STK32A: variants seen among roughly 807,000 people sequenced by gnomAD.
The protein encoded by STK32A is serine/threonine-protein kinase 32A.
In STK32A, 41 loss-of-function variants were observed where a neutral mutation model predicts 53.2. The observed-to-expected ratio is 0.77, with a 90% CI of 0.60 to 1.00. The LOEUF is 1.00. Ranked by LOEUF, STK32A falls within the 50% of genes least tolerant of loss-of-function variation. The probability of loss-of-function intolerance (pLI) is 0.00; values close to 1 mark genes in which losing one functional copy is unlikely to be tolerated. For missense variants in STK32A, 458 were observed against 485.8 expected, an observed-to-expected ratio of 0.94 and a Z score of 0.54; for synonymous variants, 166 against 162.8, an observed-to-expected ratio of 1.02 and a Z score of -0.15.
intron 7 of STK32A, among the ~76,000 whole-genome samples, chr5:147,353,289 A>G (rs1019601077): frequency 6.6e-6 from 1 of 152,216 alleles, no homozygotes; most frequent in Non-Finnish European, 1.5e-5. Flanking sequence ...AATCAGATAT[A>G]AGAATAGTTT....
At chr5:147,397,938 G>A in the STK32A span, 3 of 1,300,318 alleles carry the variant, frequency 2.3e-6, no homozygotes, top group Non-Finnish European at 2.0e-6. Context: ...ATTTGCTGCT[G>A]ATTCACCAGG....
intron 2 of STK32A, among the ~76,000 whole-genome samples, chr5:147,249,260 C>T (rs946608163): frequency 1.3e-5 from 2 of 151,646 alleles, no homozygotes; most frequent in Non-Finnish European, 2.9e-5. Context: ...CTCTCTGATC[C>T]CCCATTTTCT....
chr5:147,362,624 C>A (rs1233980240), intron 8 of STK32A, among the ~76,000 whole-genome samples: 1 of 152,180 alleles, frequency 6.6e-6, no homozygotes, highest in East Asian at 1.9e-4. Context: ...TTCTCATATG[C>A]AAAATACATA....
intron 5 of STK32A, among the ~76,000 whole-genome samples, chr5:147,330,689 A>C (rs375848529): frequency 7.1e-4 from 108 of 152,266 alleles, no homozygotes; most frequent in African/African-American, 2.4e-3. Flanking sequence ...TTCTAGGATG[A>C]TTTCCTCTCT....
chr5:147,313,693 A>G (rs143937113), intron 4 of STK32A, among the ~76,000 whole-genome samples: 2 of 152,350 alleles, frequency 1.3e-5, no homozygotes, highest in African/African-American at 2.4e-5. Flanking sequence ...TTATGAAGCT[A>G]CAATAATCAA....
chr5:147,339,861 G>C (rs571149509), intron 5 of STK32A, among the ~76,000 whole-genome samples: 1 of 146,154 alleles, frequency 6.8e-6, no homozygotes, highest in East Asian at 1.9e-4. Context: ...TAACCCCATT[G>C]TATCTAAGAA....
At chr5:147,338,711 A>G (rs1465139990) in intron 5 of STK32A, among the ~76,000 whole-genome samples, 3 of 152,236 alleles carry the variant, frequency 2.0e-5, no homozygotes, top group Non-Finnish European at 4.4e-5. Flanking sequence ...ACCAGGAACT[A>G]GAGCAAAAGT....
intron 2 of STK32A, among the ~76,000 whole-genome samples, chr5:147,263,018 C>G (rs765527446): frequency 1.3e-5 from 2 of 152,152 alleles, no homozygotes; most frequent in African/African-American, 4.8e-5. Context: ...ATTCTCCACT[C>G]CATACTATGG....
chr5:147,276,841 C>T (rs2151953742), intron 2 of STK32A, among the ~76,000 whole-genome samples: 1 of 152,160 alleles, frequency 6.6e-6, no homozygotes, highest in African/African-American at 2.4e-5. Flanking sequence ...AGAGTCAGTC[C>T]AATTTTTTTC....
chr5:147,397,783 G>C, the STK32A span: 1 of 1,614,076 alleles, frequency 6.2e-7, no homozygotes, highest in African/African-American at 1.3e-5. Context: ...TCTTGCCCTG[G>C]CAGATGACAA....
intron 6 of STK32A, among the ~76,000 whole-genome samples, chr5:147,344,395 T>C (rs1489781161): frequency 6.6e-6 from 1 of 152,202 alleles, no homozygotes; most frequent in East Asian, 1.9e-4. Flanking sequence ...CTTTACTGCT[T>C]CTGACATTTG....
chr5:147,317,896 A>G (rs1424292), intron 4 of STK32A, among the ~76,000 whole-genome samples: 126,405 of 152,180 alleles, frequency 0.83, 52,902 homozygotes, highest in African/African-American at 0.93. Flanking sequence ...ACTCATTTTT[A>G]TTAGTTTCTT....
chr5:147,335,273 C>T (rs1417545872), intron 5 of STK32A, among the ~76,000 whole-genome samples: 1 of 152,096 alleles, frequency 6.6e-6, no homozygotes, highest in Non-Finnish European at 1.5e-5. Context: ...AGTCTCAGAA[C>T]GTTCTATTAC....
At chr5:147,310,037 T>C (rs1377288178) in intron 4 of STK32A, among the ~76,000 whole-genome samples, 1 of 152,226 alleles carries the variant, frequency 6.6e-6, no homozygotes, top group Non-Finnish European at 1.5e-5. Context: ...TTAAAATATT[T>C]TAGTAAAACA....
chr5:147,365,157 C>T (rs1756686978), intron 8 of STK32A, among the ~76,000 whole-genome samples: 1 of 152,150 alleles, frequency 6.6e-6, no homozygotes, highest in Non-Finnish European at 1.5e-5. Context: ...AACCTATTCA[C>T]AGTAAGAACA....
chr5:147,307,301 G>A lies in STK32A; in HGVS notation c.261-16597G>A, dbSNP rs564840652. On this transcript the variant is annotated intron_variant, in intron 4 of 12. Transcript: ENST00000397936. ...AATTTATCAATCTTTTTCTTTATGC[G>A]TAGTGATTTCTGTGTTCTCTTTAAG... 8.6e-5 allele frequency among the ~76,000 whole-genome samples: 13 copies of A among 151,580 alleles called. No individual in the cohort carries two copies. In the South Asian group the frequency reaches 1.9e-3, roughly 22 times the overall value.
chr5:147,375,423 G>A (rs1046718962), intron 11 of STK32A: 13 of 476,412 alleles, frequency 2.7e-5, no homozygotes, highest in East Asian at 1.5e-4. Context: ...TAGGCTTTCC[G>A]TCTAGAGTTC....
Position 147,384,261 on chromosome 5 carries a change from G to A in STK32A, c.*278G>A, listed in dbSNP as rs1757565765. The A allele has an allele frequency of 6.7e-6, 9 of 1,334,800 alleles. No homozygotes were observed. Among genetic ancestry groups the A allele is most frequent in the Non-Finnish European group, 8.9e-6 (9 of 1,015,576 alleles). 82.7% of individuals were successfully genotyped at this position (1,334,800 alleles called of 1,614,324 possible). A position where few individuals can be genotyped will look rare whatever the true frequency, so the allele number is the denominator to read the frequency against. ...CTAAAATGAGAGGGTTATACTAGAC[G>A]AGCCATACCCTGCCTTTTTAGTGCT... On this transcript the variant is annotated 3_prime_UTR_variant, in exon 13 of 13. Coordinates refer to ENST00000397936, the MANE Select transcript of STK32A (RefSeq NM_001112724.2).
At chr5:147,391,402 G>A (rs945210089), downstream of STK32A, 1 of 152,544 alleles carries the variant, frequency 6.6e-6, no homozygotes, top group Non-Finnish European at 1.5e-5. Flanking sequence ...ACCCAAGCCC[G>A]TGGCCCTCAG....
Sources: gnomAD v4.1 joint callset for allele counts (sites outside exome capture counted in the v4.1 genomes callset) on GRCh38, gnomAD v4.1.1 for gene constraint, MANE v1.5 for transcripts, NCBI Gene and HGNC (gene_info 2026-07-23, HGNC 2026-07-21) for gene names.